The following ITSN1 variants were observed in gnomAD, a reference collection of about 807,000 sequenced individuals.
The protein encoded by ITSN1 is intersectin-1.
In ITSN1, 58 loss-of-function variants were observed where a neutral mutation model predicts 239.8. The ratio of observed to expected loss-of-function variants is 0.24; its 90% confidence interval spans 0.20 to 0.30. The LOEUF (loss-of-function observed/expected upper bound fraction) is 0.30. ITSN1 is among the 10% of genes least tolerant of loss of function. ITSN1 has a pLI of 1.00. For missense variants in ITSN1, 1,558 were observed against 2,103.3 expected, an observed-to-expected ratio of 0.74 and a Z score of 5.07; for synonymous variants, 780 against 770.8, an observed-to-expected ratio of 1.01 and a Z score of -0.20.
intron 9 of ITSN1, among the ~76,000 whole-genome samples, chr21:33,763,557 C>T (rs1391383867): frequency 6.6e-6 from 1 of 152,102 alleles, no homozygotes; most frequent in East Asian, 1.9e-4. Flanking sequence ...TGTCTCCAGA[C>T]TTTGATAGAT....
At chr21:33,854,368 C>T (rs151237825) in intron 29 of ITSN1, among the ~76,000 whole-genome samples, 84 of 152,346 alleles carry the variant, frequency 5.5e-4, no homozygotes, top group African/African-American at 1.8e-3. Context: ...CCATCCTGAA[C>T]GCTCCAGGGA....
chr21:33,659,269 TC>T (rs1313506738), intron 1 of ITSN1, among the ~76,000 whole-genome samples: 1 of 152,200 alleles, frequency 6.6e-6, no homozygotes, highest in Admixed American at 6.5e-5. Flanking sequence ...GCTCTGTACT[TC>T]CTCTCCCCCA....
intron 1 of ITSN1, among the ~76,000 whole-genome samples, chr21:33,669,747 T>G (rs755090622): frequency 2.0e-5 from 3 of 152,182 alleles, no homozygotes; most frequent in Non-Finnish European, 2.9e-5. Context: ...GGCCCTCATT[T>G]AAGTTTTAAT....
intron 34 of ITSN1, among the ~76,000 whole-genome samples, chr21:33,878,498 A>T (rs1984382623): frequency 6.6e-6 from 1 of 152,010 alleles, no homozygotes; most frequent in African/African-American, 2.4e-5. Context: ...ACCATTCACT[A>T]GGGTTTCCCA....
intron 11 of ITSN1, among the ~76,000 whole-genome samples, chr21:33,770,974 C>A (rs556213604): frequency 6.6e-6 from 1 of 151,988 alleles, no homozygotes; most frequent in Non-Finnish European, 1.5e-5. Flanking sequence ...CCATGTTGGC[C>A]AGGCTGGTAT....
At chr21:33,656,435 C>A (rs368310337) in intron 1 of ITSN1, among the ~76,000 whole-genome samples, 12 of 152,278 alleles carry the variant, frequency 7.9e-5, no homozygotes, top group African/African-American at 2.9e-4. Context: ...AAAATGTTGA[C>A]CTCATGCAAA....
intron 1 of ITSN1, among the ~76,000 whole-genome samples, chr21:33,666,228 GCCTGTATGGTT>G (rs2089921568): frequency 6.6e-6 from 1 of 152,140 alleles, no homozygotes; most frequent in Non-Finnish European, 1.5e-5. Context: ...ACTGCACCTG[GCCTGTATGGTT>G]CCATTTATAT....
intron 1 of ITSN1, among the ~76,000 whole-genome samples, chr21:33,644,230 C>G (rs551608696): frequency 6.6e-6 from 1 of 152,162 alleles, no homozygotes; most frequent in African/African-American, 2.4e-5. Flanking sequence ...ATGGGAGTTT[C>G]CTTGTAAGTA....
In ITSN1 at chr21:33,839,427, G is replaced by A. The variant is rs188677066; in HGVS notation, c.3661+2795G>A. ...CTGAGACCTGAAGAGTAAGGAGGGA[G>A]GAGCCAGATGGAGTGGGGGAAGAGG... On this transcript the variant is annotated intron_variant, in intron 29 of 39. Coordinates refer to ENST00000381318, the MANE Select transcript of ITSN1 (RefSeq NM_003024.3). Among the ~76,000 whole-genome samples the A allele has an allele frequency of 2.0e-4, 30 of 152,256 alleles. 1 individual carries two copies. The highest frequency in any genetic ancestry group is 7.2e-4 in the African/African-American group (30 of 41,530).
intron 24 of ITSN1, 37 bp downstream of exon 24, chr21:33,819,360 T>C: frequency 7.0e-7 from 1 of 1,436,718 alleles, no homozygotes. Context: ...TTCAGAAGGG[T>C]CAAGGACATT....
At chr21:33,767,454 A>G (rs1196855301) in intron 10 of ITSN1, among the ~76,000 whole-genome samples, 1 of 152,154 alleles carries the variant, frequency 6.6e-6, no homozygotes, top group East Asian at 1.9e-4. Context: ...CTTTTTGATT[A>G]TTAACTACTT....
chr21:33,724,301 A>T (rs2065685854), intron 4 of ITSN1, among the ~76,000 whole-genome samples: 1 of 152,246 alleles, frequency 6.6e-6, no homozygotes, highest in Non-Finnish European at 1.5e-5. Flanking sequence ...AAAAAATCAG[A>T]TAACCAAGCG....
chr21:33,666,575 A>G (rs1477924242), intron 1 of ITSN1, among the ~76,000 whole-genome samples: 1 of 152,228 alleles, frequency 6.6e-6, no homozygotes, highest in African/African-American at 2.4e-5. Flanking sequence ...GATCATTTGC[A>G]CTTTATATAT....
chr21:33,755,630 C>T (rs570695521), intron 8 of ITSN1, among the ~76,000 whole-genome samples: 2 of 152,278 alleles, frequency 1.3e-5, no homozygotes, highest in East Asian at 1.9e-4. Context: ...TACTCCTGTA[C>T]GCTGAAAGCC....
Position 33,818,434 on chromosome 21 carries a change from C to G in ITSN1, c.2895C>G (p.Tyr965Ter). The G allele has an allele frequency of 6.2e-7, 1 of 1,614,116 alleles. No individual in the cohort carries two copies. Among genetic ancestry groups the G allele is most frequent in the Non-Finnish European group, 8.5e-7 (1 of 1,179,994 alleles). Reference sequence around the variant, plus strand: ...AGAAGGGTTGGTTCCCCAAGTCTTACGTGAAACTCATTTCAGGGCCCATAA... The same window carrying G: ...AGAAGGGTTGGTTCCCCAAGTCTTAGGTGAAACTCATTTCAGGGCCCATAA... ...QGQKGWFPKS[Y>*]VKLISGPIRK... The change falls in exon 23 of 40, where the codon TAC (tyrosine) becomes TAG (stop). Residue 965 changes from tyrosine (Y) to a stop codon, truncating the protein, a stop_gained. Transcript: ENST00000381318. LOFTEE classifies it high-confidence loss of function.
At chr21:33,729,831 A>T (rs562899169) in intron 4 of ITSN1, among the ~76,000 whole-genome samples, 1 of 152,352 alleles carries the variant, frequency 6.6e-6, no homozygotes, top group East Asian at 1.9e-4. Flanking sequence ...TTTTATTTGT[A>T]GCTCCCTGCT....
At chr21:33,713,828 C>T (rs1481573273) in intron 1 of ITSN1, among the ~76,000 whole-genome samples, 21 of 89,368 alleles carry the variant, frequency 2.3e-4, no homozygotes, top group South Asian at 4.6e-4. Context: ...CCAGCCTCAT[C>T]TTTTTTTTTT....
At chr21:33,697,110 TCTCA>T (rs1320484205) in intron 1 of ITSN1, among the ~76,000 whole-genome samples, 1 of 151,746 alleles carries the variant, frequency 6.6e-6, no homozygotes, top group Non-Finnish European at 1.5e-5. Context: ...TGAGACGGAT[TCTCA>T]CTCTGTCGCC....
chr21:33,817,186 T>C (rs2073335976), intron 22 of ITSN1: 1 of 1,257,296 alleles, frequency 8.0e-7, no homozygotes, highest in Admixed American at 2.7e-5. Context: ...AATGGTTTAA[T>C]GCTATAGCTT....
Sources: allele counts gnomAD v4.1 joint callset (sites outside exome capture counted in the v4.1 genomes callset), GRCh38; gene constraint gnomAD v4.1.1; transcripts MANE v1.5; gene names NCBI Gene and HGNC (gene_info 2026-07-23, HGNC 2026-07-21).